The following TUBGCP3 variants were observed in gnomAD, a reference collection of about 807,000 sequenced individuals.
TUBGCP3 encodes gamma-tubulin complex component 3.
TUBGCP3 carries 50 observed loss-of-function variants against 123.1 expected under a neutral mutation model. The observed-to-expected ratio is 0.41, with a 90% CI of 0.32 to 0.51. The LOEUF is 0.51. TUBGCP3 is among the 20% of genes least tolerant of loss of function. The pLI is 0.36. For synonymous variants in TUBGCP3, 405 were observed against 413.9 expected, an observed-to-expected ratio of 0.98 and a Z score of 0.26; for missense variants, 882 against 1,127.0, an observed-to-expected ratio of 0.78 and a Z score of 3.11.
intron 3 of TUBGCP3, among the ~76,000 whole-genome samples, chr13:112,563,891 G>A (rs1880741022): frequency 6.6e-6 from 1 of 150,608 alleles, no homozygotes; most frequent in Non-Finnish European, 1.5e-5. Context: ...AAAAAAAAGT[G>A]TCTAAATATG....
the TUBGCP3 span, among the ~76,000 whole-genome samples, chr13:112,594,124 T>G: frequency 3.9e-5 from 6 of 152,286 alleles, no homozygotes; most frequent in African/African-American, 1.2e-4. Flanking sequence ...GATATCAATC[T>G]TACAGGAAAT....
At chr13:112,547,484 A>G in intron 10 of TUBGCP3, 136 bp downstream of exon 10, 1 of 1,318,422 alleles carries the variant, frequency 7.6e-7, no homozygotes, top group Non-Finnish European at 9.8e-7. Context: ...ACGAGTTCTG[A>G]AACAAAGCGA....
Position 112,587,966 on chromosome 13 carries a change from G to T in TUBGCP3, c.15C>A (p.Asp5Glu), listed in dbSNP as rs1882746805. ...GCAGCAGAACGTTCGGCGACTTCTG[G>T]TCCGGGGTCGCCATCCTCGCCCGGA... Reference protein sequence around the residue: MATPDQKSPNVLLQN... With the variant: MATPEQKSPNVLLQN... The change falls in exon 1 of 22, where the codon GAC becomes GAA. Residue 5 changes from aspartate (D) to glutamate (E), a missense_variant. Transcript: ENST00000261965. The T allele has an allele frequency of 6.3e-7, 1 of 1,588,444 alleles. No homozygotes were observed. Among genetic ancestry groups the T allele is most frequent in the Non-Finnish European group, 8.6e-7 (1 of 1,169,072 alleles).
chr13:112,598,976 C>A, the TUBGCP3 span, among the ~76,000 whole-genome samples: 12 of 138,154 alleles, frequency 8.7e-5, no homozygotes, highest in African/African-American at 1.1e-4. Flanking sequence ...AATTATTAGA[C>A]AATAAAAGGT....
chr13:112,579,922 C>T (rs1025946442), intron 1 of TUBGCP3, among the ~76,000 whole-genome samples: 9 of 152,332 alleles, frequency 5.9e-5, no homozygotes, highest in East Asian at 1.9e-4. Flanking sequence ...CTGCCAAAAA[C>T]GGAAGCACTC....
rs892567289 is a variant in TUBGCP3 at position 112,588,055 on chromosome 13, G to T, written c.-75C>A. ...CGCACGCGCAGGGACCGCGGCCCGC[G>T]CCCTTCCTGCGCCCCGCAAGCTCCC... On this transcript the variant is annotated 5_prime_UTR_variant, in exon 1 of 22. Transcript: ENST00000261965. 2 of 1,239,590 alleles carry T rather than the reference G, an allele frequency of 1.6e-6. No individual in the cohort carries two copies. The highest frequency in any genetic ancestry group is 2.1e-6 in the Non-Finnish European group (2 of 951,478). The allele number at this position is 1,239,590 out of a possible 1,614,324, so 76.8% of individuals were successfully genotyped here.
chr13:112,593,337 G>A, the TUBGCP3 span, among the ~76,000 whole-genome samples: 1 of 152,154 alleles, frequency 6.6e-6, no homozygotes, highest in Admixed American at 6.5e-5. Flanking sequence ...AGAATCACTT[G>A]AACCCAGGAA....
chr13:112,567,330 T>C (rs1316139315), intron 2 of TUBGCP3, among the ~76,000 whole-genome samples: 1 of 152,216 alleles, frequency 6.6e-6, no homozygotes, highest in Non-Finnish European at 1.5e-5. Context: ...TAAACAAACT[T>C]TATTTTTAGC....
At chr13:112,538,842 A>C (rs1878275248) in intron 11 of TUBGCP3, among the ~76,000 whole-genome samples, 1 of 152,242 alleles carries the variant, frequency 6.6e-6, no homozygotes, top group Non-Finnish European at 1.5e-5. Flanking sequence ...AGGAAAAATT[A>C]ACCTATAGAA....
At position 112,519,870 on chromosome 13, in the gene TUBGCP3, C is replaced by T. The variant is rs377375424; in HGVS notation, c.1881+16G>A. 2.3e-5 allele frequency: 37 copies of T among 1,609,362 alleles called. No individual in the cohort carries two copies. The highest frequency in any genetic ancestry group is 2.8e-5 in the Non-Finnish European group (33 of 1,176,922). The stretch of plus-strand genomic sequence containing the variant: ...CGGTGCCGGGGCGGCGTTCCCAACA[C>T]GCAGAGCCGCAGTACCTCCAGCAGC... On this transcript the variant is annotated intron_variant, in intron 15 of 21. Transcript: ENST00000261965. This position sits in a 1 kb window ranked among gnomAD's most constrained non-coding sequence, Gnocchi z 6.2.
rs1274866508 is a variant in TUBGCP3, at chr13:112,499,107, C to T, written c.2386G>A (p.Ala796Thr). 6.2e-7 allele frequency: 1 copy of T among 1,614,064 alleles called. No homozygotes were observed. The highest frequency in any genetic ancestry group is 8.5e-7 in the Non-Finnish European group (1 of 1,180,036). ...QNAQDAIYRA[A>T]LEELQRRLQF... is the part of the protein sequence containing the mutation. ...AATCGTCTCTGCAATTCTTCCAGAG[C>T]AGCTCTGTATATTGCATCTTGAGCA... The change falls in exon 20 of 22, where the codon GCT becomes ACT. Residue 796 changes from alanine to threonine, a missense_variant. Transcript: ENST00000261965.
chr13:112,545,619 A>C lies in TUBGCP3; in HGVS notation c.1335+80T>G. ...TTCCTGTTAGGAGAACATGGTAATC[A>C]TGAGGGGAAAAATGAAACAGCATAA... On this transcript the variant is annotated intron_variant, in intron 11 of 21. Coordinates refer to ENST00000261965, the MANE Select transcript of TUBGCP3 (RefSeq NM_006322.6). The surrounding 1 kb of genome is among the most constrained non-coding windows in gnomAD (Gnocchi z 4.1). 2.6e-6 allele frequency: 4 copies of C among 1,525,722 alleles called. No homozygotes were observed. Among genetic ancestry groups the C allele is most frequent in the Non-Finnish European group, 3.6e-6 (4 of 1,107,376 alleles). 94.5% of individuals were successfully genotyped at this position (1,525,722 alleles called of 1,614,324 possible). A position where few individuals can be genotyped will look rare whatever the true frequency, so the allele number is the denominator to read the frequency against.
intron 8 of TUBGCP3, among the ~76,000 whole-genome samples, chr13:112,552,991 G>GCCACACATTCTTACCCACCAC (rs1304615777): frequency 6.7e-6 from 1 of 148,248 alleles, no homozygotes; most frequent in African/African-American, 2.5e-5. Context: ...CTACTCACCA[G>GCCACACATTCTTACCCACCAC]CCACACATTC....
chr13:112,504,638 G>C lies in TUBGCP3; in HGVS notation c.2163C>G (p.Tyr721Ter). Residue 721 changes from tyrosine (Y) to a stop codon, truncating the protein, a stop_gained, in exon 18 of 22, where the codon TAC (tyrosine) becomes TAG (stop). Transcript: ENST00000261965. LOFTEE classifies it high-confidence loss of function. ...MVHFIHQMQYYITFEVLECSW... is the reference protein window; with the variant it reads ...MVHFIHQMQY ...GACTGAAGTGTACCTCAAATGTGAT[G>C]TAATACTGCATCTGATGAATGAAAT... is the stretch of plus-strand genomic sequence containing the variant. 6.2e-6 allele frequency: 10 copies of C among 1,613,588 alleles called. No homozygotes were observed. The highest frequency in any genetic ancestry group is 8.5e-6 in the Non-Finnish European group (10 of 1,179,828).
intron 11 of TUBGCP3, among the ~76,000 whole-genome samples, chr13:112,534,802 G>A (rs940215476): frequency 7.2e-5 from 11 of 152,100 alleles, no homozygotes; most frequent in African/African-American, 2.7e-4. Context: ...TAATATAAAA[G>A]TCACCATTTT....
chr13:112,557,730 T>A (rs1459651864), intron 5 of TUBGCP3, among the ~76,000 whole-genome samples: 2 of 152,252 alleles, frequency 1.3e-5, no homozygotes, highest in Non-Finnish European at 2.9e-5. Context: ...TCTTAATTCA[T>A]ATGCACTAAA....
the TUBGCP3 span, among the ~76,000 whole-genome samples, chr13:112,593,984 C>T: frequency 1.3e-5 from 2 of 152,090 alleles, no homozygotes; most frequent in African/African-American, 4.8e-5. Flanking sequence ...CACTGACCAA[C>T]AATGAATAGA....
At position 112,522,373 on chromosome 13, in the gene TUBGCP3, C is replaced by T. The variant is rs547981469; in HGVS notation, c.1692G>A (p.Arg564=). The change falls in exon 14 of 22, where the codon CGG becomes CGA. Residue 564 remains arginine (R), a synonymous_variant. Coordinates refer to ENST00000261965, the MANE Select transcript of TUBGCP3 (RefSeq NM_006322.6). The part of the protein sequence containing the change: ...SLLDHMQAMR[R]YLLLGQGDFI... ...AGTCTCCTTGACCAAGAAGCAGGTA[C>T]CGCCTCATTGCCTGCATGTGGTCCA... 26 of 1,613,628 alleles carry T rather than the reference C, an allele frequency of 1.6e-5. No individual in the cohort carries two copies. The East Asian group carries it at 5.3e-4, about 33-fold the overall frequency.
chr13:112,531,678 T>A (rs1208803333), intron 11 of TUBGCP3, among the ~76,000 whole-genome samples: 5 of 152,188 alleles, frequency 3.3e-5, no homozygotes, highest in Non-Finnish European at 7.3e-5. Context: ...CAGGCATGTT[T>A]AGAAGTTATG....
Sources: allele counts gnomAD v4.1 joint callset (sites outside exome capture counted in the v4.1 genomes callset), GRCh38; gene constraint gnomAD v4.1.1; non-coding constraint Gnocchi (gnomAD v3.1); transcripts MANE v1.5; gene names NCBI Gene and HGNC (gene_info 2026-07-23, HGNC 2026-07-21).